The following MAGI1 variants were observed in gnomAD, a reference collection of about 807,000 sequenced individuals.
MAGI1 encodes the protein membrane associated guanylate kinase, WW and PDZ domain containing 1.
A neutral mutation model predicts 139.9 loss-of-function variants in MAGI1; 58 were observed. The ratio of observed to expected loss-of-function variants is 0.41; its 90% confidence interval spans 0.34 to 0.52. The LOEUF (loss-of-function observed/expected upper bound fraction) is 0.52. Among genes scored for constraint, MAGI1 ranks in the 20% least tolerant of loss-of-function variants. The pLI, the probability that MAGI1 is intolerant of heterozygous loss-of-function variation, is 0.12. For missense variants in MAGI1, 1,874 were observed against 1,901.6 expected (o/e 0.99, Z 0.27); for synonymous variants, 812 against 737.9 (o/e 1.10, Z -1.63).
intron 6 of MAGI1, among the ~76,000 whole-genome samples, chr3:65,448,989 C>T (rs1948848954): frequency 6.6e-6 from 1 of 152,066 alleles, no homozygotes; most frequent in South Asian, 2.1e-4. Context: ...ACAATACGCT[C>T]AGTGCCCAGT....
intron 2 of MAGI1, among the ~76,000 whole-genome samples, chr3:65,555,127 G>C (rs1057384314): frequency 6.6e-6 from 1 of 152,138 alleles, no homozygotes; most frequent in Non-Finnish European, 1.5e-5. Flanking sequence ...TTTTCTCTAA[G>C]TCTAAATTAT....
intron 1 of MAGI1, among the ~76,000 whole-genome samples, chr3:65,856,172 T>G (rs528815823): frequency 6.6e-6 from 1 of 152,146 alleles, no homozygotes. Flanking sequence ...TAGTCACATA[T>G]GGCTAATGGC....
intron 1 of MAGI1, among the ~76,000 whole-genome samples, chr3:65,750,557 A>C (rs908607432): frequency 6.6e-6 from 1 of 152,242 alleles, no homozygotes; most frequent in Admixed American, 6.5e-5. Flanking sequence ...TATGCAATGT[A>C]ATTAGTGACT....
At chr3:65,477,692 C>CATCATTATTATT (rs1950971241) in intron 4 of MAGI1, among the ~76,000 whole-genome samples, 1 of 138,614 alleles carries the variant, frequency 7.2e-6, no homozygotes, top group African/African-American at 2.6e-5. Flanking sequence ...GAACACGCAA[C>CATCATTATTATT]ATTATTATTA....
intron 22 of MAGI1, chr3:65,360,485 G>T (rs541677529): frequency 3.3e-5 from 32 of 984,490 alleles, no homozygotes; most frequent in Non-Finnish European, 3.9e-5. Flanking sequence ...CAAGTCTAAA[G>T]ATATGACAAA....
chr3:65,601,513 A>C (rs1441244113), intron 2 of MAGI1, among the ~76,000 whole-genome samples: 2 of 152,198 alleles, frequency 1.3e-5, no homozygotes, highest in Non-Finnish European at 2.9e-5. Flanking sequence ...TGTAAAAGTT[A>C]AAATGAAATA....
intron 12 of MAGI1, among the ~76,000 whole-genome samples, chr3:65,411,713 T>C (rs556678638): frequency 1.3e-5 from 2 of 152,256 alleles, no homozygotes; most frequent in Non-Finnish European, 2.9e-5. Context: ...TTTTAGGTTG[T>C]TTCTTATCCC....
chr3:65,833,325 G>A (rs1016055589), intron 1 of MAGI1, among the ~76,000 whole-genome samples: 2 of 151,990 alleles, frequency 1.3e-5, no homozygotes, highest in Admixed American at 1.3e-4. Context: ...CACCATATTG[G>A]CCAGGCTGGT....
At chr3:65,891,215 C>CA (rs58690899) in intron 1 of MAGI1, among the ~76,000 whole-genome samples, 183 of 102,172 alleles carry the variant, frequency 1.8e-3, no homozygotes, top group South Asian at 2.6e-3. Context: ...AAAACACACA[C>CA]AAAAAAAAAA....
chr3:65,662,780 T>G (rs1287023995), intron 1 of MAGI1, among the ~76,000 whole-genome samples: 1 of 152,212 alleles, frequency 6.6e-6, no homozygotes, highest in Admixed American at 6.5e-5. Flanking sequence ...GTCCTCATAC[T>G]ATACATTAGA....
At chr3:65,532,768 C>A (rs553520161) in intron 2 of MAGI1, 1 of 152,326 alleles carries the variant, frequency 6.6e-6, no homozygotes, top group East Asian at 1.9e-4. Flanking sequence ...GAAGAAGAAA[C>A]ATACAATGCA....
At chr3:65,465,875 G>A (rs1290781324) in intron 5 of MAGI1, among the ~76,000 whole-genome samples, 1 of 152,042 alleles carries the variant, frequency 6.6e-6, no homozygotes, top group Non-Finnish European at 1.5e-5. Context: ...TTTTGTTACT[G>A]TTCCAAATGC....
intron 1 of MAGI1, among the ~76,000 whole-genome samples, chr3:65,820,935 G>T (rs1445562518): frequency 1.3e-5 from 2 of 152,074 alleles, no homozygotes; most frequent in African/African-American, 2.4e-5. Flanking sequence ...TTCTGACTGG[G>T]TCACATGCTT....
chr3:65,708,331 T>G (rs1007772404), intron 1 of MAGI1, among the ~76,000 whole-genome samples: 3 of 152,118 alleles, frequency 2.0e-5, no homozygotes, highest in Non-Finnish European at 4.4e-5. Context: ...GTATCCTCTG[T>G]CCTCTTGTAA....
intron 1 of MAGI1, among the ~76,000 whole-genome samples, chr3:65,879,643 T>C (rs1175707810): frequency 6.6e-6 from 1 of 152,216 alleles, no homozygotes; most frequent in East Asian, 1.9e-4. Context: ...GGAATAATCA[T>C]GAGTTCTACA....
At chr3:65,975,974 T>C (rs981602016) in intron 1 of MAGI1, among the ~76,000 whole-genome samples, 1 of 152,240 alleles carries the variant, frequency 6.6e-6, no homozygotes, top group Non-Finnish European at 1.5e-5. Flanking sequence ...AGTCAGTTGC[T>C]ACTGAATGAT....
chr3:65,943,157 G>A (rs79827576), intron 1 of MAGI1, among the ~76,000 whole-genome samples: 2,195 of 152,250 alleles, frequency 0.014, 69 homozygotes, highest in African/African-American at 0.05. Flanking sequence ...AGTTGCATTC[G>A]TCGTGCCAGA....
intron 1 of MAGI1, among the ~76,000 whole-genome samples, chr3:65,638,947 C>T (rs535831448): frequency 2.2e-4 from 34 of 152,040 alleles, no homozygotes; most frequent in South Asian, 4.2e-4. Flanking sequence ...CAAGGTTGTG[C>T]TATGTTGCCC....
At chr3:66,024,469 G>A (rs73125762) in intron 1 of MAGI1, among the ~76,000 whole-genome samples, 13,026 of 151,072 alleles carry the variant, frequency 0.086, 730 homozygotes, top group Middle Eastern at 0.2. Flanking sequence ...AGCCCTTCCA[G>A]GTAATCCTAG....
Sources: gnomAD v4.1 joint callset for allele counts (sites outside exome capture counted in the v4.1 genomes callset) on GRCh38, gnomAD v4.1.1 for gene constraint, MANE v1.5 for transcripts, NCBI Gene and HGNC (gene_info 2026-07-23, HGNC 2026-07-21) for gene names.